LIAT1: variants seen among roughly 807,000 people sequenced by gnomAD.
LIAT1 encodes the protein ligand of ATE1, also known as protein LIAT1.
chr17:411,049 C>G, the LIAT1 span, among the ~76,000 whole-genome samples: 1 of 152,224 alleles, frequency 6.6e-6, no homozygotes, highest in Non-Finnish European at 1.5e-5. Context: ...GGCCCTCACT[C>G]TCATGCACAG....
At chr17:411,789 G>A in the LIAT1 span, among the ~76,000 whole-genome samples, 1 of 152,168 alleles carries the variant, frequency 6.6e-6, no homozygotes, top group Non-Finnish European at 1.5e-5. Context: ...CCACTTTGAG[G>A]AGAGAGAGCA....
At chr17:412,799 G>A in the LIAT1 span, among the ~76,000 whole-genome samples, 1 of 152,202 alleles carries the variant, frequency 6.6e-6, no homozygotes, top group Non-Finnish European at 1.5e-5. Context: ...ATGGGGCATT[G>A]GGGGCCCAGC....
chr17:410,418 C>A, the LIAT1 span: 1 of 1,533,534 alleles, frequency 6.5e-7, no homozygotes, highest in East Asian at 2.5e-5. Flanking sequence ...TCGGGCGCCC[C>A]CGGGGCGGGT....
the LIAT1 span, among the ~76,000 whole-genome samples, chr17:412,071 A>G: frequency 2.0e-5 from 3 of 152,250 alleles, no homozygotes; most frequent in Non-Finnish European, 4.4e-5. Context: ...AGTTCAGGTC[A>G]AGAAGCCCTG....
the LIAT1 span, chr17:410,786 C>A: frequency 5.4e-6 from 4 of 734,446 alleles, no homozygotes; most frequent in Non-Finnish European, 8.8e-6. Context: ...CCACACATGC[C>A]CGTCAGCAGC....
the LIAT1 span, among the ~76,000 whole-genome samples, chr17:411,129 G>A: frequency 2.0e-4 from 31 of 152,184 alleles, no homozygotes; most frequent in African/African-American, 7.2e-4. Context: ...TGGATGCGCG[G>A]TAGACACCCA....
the LIAT1 span, chr17:410,366 G>A: frequency 6.6e-7 from 1 of 1,507,738 alleles, no homozygotes. Flanking sequence ...GCCCTGGCCT[G>A]GCGGTCCGCG....
chr17:410,571 G>C, the LIAT1 span: 8 of 1,546,576 alleles, frequency 5.2e-6, no homozygotes, highest in African/African-American at 1.4e-5. Context: ...CACAGGCGGC[G>C]CCTCCGAGCT....
At chr17:411,836 G>T in the LIAT1 span, among the ~76,000 whole-genome samples, 8 of 152,204 alleles carry the variant, frequency 5.3e-5, no homozygotes, top group South Asian at 1.7e-3. Context: ...CGTGAGTGCT[G>T]TGAGGCCACT....
the LIAT1 span, among the ~76,000 whole-genome samples, chr17:412,425 C>T: frequency 6.6e-6 from 1 of 152,042 alleles, no homozygotes; most frequent in Non-Finnish European, 1.5e-5. Flanking sequence ...CAGGGGGCAC[C>T]AGATAGTTTC....
At chr17:413,483 G>A in the LIAT1 span, 70 of 1,553,328 alleles carry the variant, frequency 4.5e-5, no homozygotes, top group Middle Eastern at 1.6e-3. Context: ...GGCCCTCAAG[G>A]GCTTCCACCC....
chr17:410,661 T>C, the LIAT1 span: 2 of 1,536,724 alleles, frequency 1.3e-6, no homozygotes, highest in South Asian at 1.2e-5. Flanking sequence ...GAGGAGCAGC[T>C]AGCCCGGCTG....
chr17:410,811 G>T, the LIAT1 span, among the ~76,000 whole-genome samples: 4 of 151,944 alleles, frequency 2.6e-5, no homozygotes, highest in Non-Finnish European at 4.4e-5. Context: ...TGATGCCCCA[G>T]CCCCACCCGT....
the LIAT1 span, chr17:410,352 C>T: frequency 2.5e-5 from 37 of 1,484,474 alleles, no homozygotes; most frequent in East Asian, 8.0e-4. Context: ...CATGGAGACG[C>T]GTGGCCCTGG....
the LIAT1 span, among the ~76,000 whole-genome samples, chr17:411,071 C>T: frequency 6.6e-6 from 1 of 152,254 alleles, no homozygotes; most frequent in African/African-American, 2.4e-5. Context: ...GAAGGGCAGA[C>T]TCCTGCCTCC....
the LIAT1 span, among the ~76,000 whole-genome samples, chr17:410,995 A>G: frequency 6.6e-6 from 1 of 152,152 alleles, no homozygotes; most frequent in Non-Finnish European, 1.5e-5. Context: ...GGCCCTCCTC[A>G]CAAGACACTT....
At chr17:411,342 C>T in the LIAT1 span, among the ~76,000 whole-genome samples, 1 of 152,206 alleles carries the variant, frequency 6.6e-6, no homozygotes, top group Non-Finnish European at 1.5e-5. Context: ...CCCTCAACCA[C>T]TCCCCCCACC....
chr17:410,673 G>C, the LIAT1 span: 1 of 1,532,844 alleles, frequency 6.5e-7, no homozygotes, highest in Non-Finnish European at 8.7e-7. Context: ...GCCCGGCTGC[G>C]TCAGCTCCGG....
At chr17:410,732 G>A in the LIAT1 span, 9 of 1,298,170 alleles carry the variant, frequency 6.9e-6, no homozygotes, top group East Asian at 2.5e-5. Context: ...CCTTCAGACC[G>A]GAAACAGAAG....
Sources: gnomAD v4.1 joint callset for allele counts (sites outside exome capture counted in the v4.1 genomes callset) on GRCh38, gnomAD v4.1.1 for gene constraint, MANE v1.5 for transcripts, NCBI Gene and HGNC (gene_info 2026-07-23, HGNC 2026-07-21) for gene names.